The following MZF1 variants were observed in gnomAD, a reference collection of about 807,000 sequenced individuals.
The protein encoded by MZF1 is myeloid zinc finger 1, also known as zinc finger and SCAN domain-containing protein 6.
A neutral mutation model predicts 28.6 loss-of-function variants in MZF1; 24 were observed. The ratio of observed to expected loss-of-function variants is 0.84; its 90% CI spans 0.61 to 1.18. MZF1 has a LOEUF of 1.18. MZF1 is among the 50% of genes most tolerant of loss of function. The pLI, the probability that MZF1 is intolerant of heterozygous loss-of-function variation, is 0.00. For missense variants in MZF1, 1,166 were observed against 1,026.4 expected, an observed-to-expected ratio of 1.14 and a Z score of -1.86; for synonymous variants, 516 against 432.5, an observed-to-expected ratio of 1.19 and a Z score of -2.40.
intron 5 of MZF1, 195 bp downstream of exon 5, chr19:58,569,082 G>A: frequency 1.6e-6 from 1 of 606,266 alleles, no homozygotes; most frequent in East Asian, 3.3e-5. Flanking sequence ...TGGGATCAGT[G>A]GTAGTGGTGG....
chr19:58,562,350 G>T lies in MZF1; in HGVS notation c.1927C>A (p.His643Asn). 1 of 1,610,106 alleles carries T rather than the reference G, an allele frequency of 6.2e-7. No homozygotes were observed. The highest frequency in any genetic ancestry group is 8.5e-7 in the Non-Finnish European group (1 of 1,178,784). Residue 643 changes from histidine (H) to asparagine (N), a missense_variant, in exon 6 of 6, where the codon CAC becomes AAC. Transcript: ENST00000215057. ...CGTTCGCCCGTGTGGATGCGCTGGT[G>T]CTCGGTGAGCCGCGAGACCTGCGTG... Reference protein sequence around the residue: ...GFTQVSRLTEHQRIHTGERPF... With the variant: ...GFTQVSRLTENQRIHTGERPF...
rs769003406 is a variant in MZF1 at position 58,571,273 on chromosome 19, G to C, written c.117C>G (p.Gly39=). 8 of 1,613,448 alleles carry C rather than the reference G, an allele frequency of 5.0e-6. No individual in the cohort carries two copies. Among genetic ancestry groups the C allele is most frequent in the Non-Finnish European group, 5.9e-6 (7 of 1,179,742 alleles). Residue 39 remains glycine (G), a synonymous_variant, in exon 2 of 6, where the codon GGC becomes GGG. Coordinates refer to ENST00000215057, the MANE Select transcript of MZF1 (RefSeq NM_198055.2). ...EEGEAALWDP[G]PEAARLRFRC... ...GGAAACGCAGGCGTGCAGCTTCAGG[G>C]CCTGGGTCCCATAAGGCAGCCTCAC...
At position 58,563,579 on chromosome 19, in the gene MZF1, CAG is replaced by C. The variant is rs2053981850; in HGVS notation, c.773-77_773-76del. ...GGGACCCACTTCATCCCTGGGGACA[CAG>C]TGTGAACTACAGGGACCTGAAACTG... On this transcript the variant is annotated intron_variant, in intron 5 of 5. Transcript: ENST00000215057. The C allele has an allele frequency of 8.8e-6, 11 of 1,256,144 alleles. No homozygotes were observed. The South Asian group carries it at 1.3e-4, about 15-fold the overall frequency. The allele number at this position is 1,256,144 out of a possible 1,614,324, so 77.8% of individuals were successfully genotyped here.
chr19:58,570,715 C>G (rs2054143962), intron 2 of MZF1, 188 bp from the exon 3 acceptor site: 1 of 685,358 alleles, frequency 1.5e-6, no homozygotes, highest in African/African-American at 1.8e-5. Flanking sequence ...CCTGCAGTCC[C>G]TCCCCTGCTC....
intron 5 of MZF1, chr19:58,563,876 AAG>A (rs781372432): frequency 9.3e-5 from 18 of 193,056 alleles, no homozygotes; most frequent in Non-Finnish European, 1.8e-4. Flanking sequence ...AGCCAACAGA[AAG>A]AGGGTGCAGG....
At chr19:58,567,862 G>C (rs1408508547) in intron 5 of MZF1, among the ~76,000 whole-genome samples, 1 of 152,082 alleles carries the variant, frequency 6.6e-6, no homozygotes, top group African/African-American at 2.4e-5. Context: ...AATAAGGAAA[G>C]ACATTGTAAA....
At chr19:58,571,723 C>A in intron 1 of MZF1, 1 of 273,838 alleles carries the variant, frequency 3.7e-6, no homozygotes, top group Non-Finnish European at 7.0e-6. Flanking sequence ...AGTCAGTTGC[C>A]CAGGCTGAAG....
intron 1 of MZF1, chr19:58,572,442 GA>G (rs2054182810): frequency 1.2e-6 from 1 of 852,906 alleles, no homozygotes; most frequent in Non-Finnish European, 1.7e-6. Context: ...AAGGCTCCAA[GA>G]CTGCCGGAAC....
chr19:58,571,394 G>A lies in MZF1; in HGVS notation c.-5C>T. The A allele has an allele frequency of 1.2e-6, 2 of 1,613,912 alleles. No individual in the cohort carries two copies. The highest frequency in any genetic ancestry group is 8.5e-7 in the Non-Finnish European group (1 of 1,179,920). ...GCCCAGCACCGCAGGCCTCATAGAG[G>A]GTACCAGGTCAGGTATCTGAGGCCA... is the stretch of plus-strand genomic sequence containing the variant. On this transcript the variant is annotated 5_prime_UTR_variant, in exon 2 of 6. Transcript: ENST00000215057.
chr19:58,570,710 A>C, intron 2 of MZF1, 183 bp from the exon 3 acceptor site: 1 of 696,084 alleles, frequency 1.4e-6, no homozygotes, highest in Non-Finnish European at 2.4e-6. Context: ...GACCACCTGC[A>C]GTCCCTCCCC....
At position 58,561,977 on chromosome 19, in the gene MZF1, G is replaced by C; in HGVS notation, c.*95C>G. The C allele has an allele frequency of 7.6e-7, 1 of 1,309,052 alleles. No individual in the cohort carries two copies. Among genetic ancestry groups the C allele is most frequent in the Non-Finnish European group, 1.0e-6 (1 of 962,668 alleles). 81.1% of individuals were successfully genotyped at this position (1,309,052 alleles called of 1,614,324 possible). A position where few individuals can be genotyped will look rare whatever the true frequency, so the allele number is the denominator to read the frequency against. On this transcript the variant is annotated 3_prime_UTR_variant, in exon 6 of 6. Coordinates refer to ENST00000215057, the MANE Select transcript of MZF1 (RefSeq NM_198055.2). ...GACACCTACAGTAGCCAAGCCCTGG[G>C]CGGACCTGCTTATACTTATGTAATC...
At position 58,569,318 on chromosome 19, in the gene MZF1, C is replaced by T; in HGVS notation, c.731G>A (p.Arg244Lys). The T allele has an allele frequency of 6.2e-7, 1 of 1,613,148 alleles. No individual in the cohort carries two copies. The highest frequency in any genetic ancestry group is 2.2e-5 in the East Asian group (1 of 44,864). Residue 244 changes from arginine (R) to lysine (K), a missense_variant, in exon 5 of 6, where the codon AGG becomes AAG. By Grantham distance (26) the Arg-to-Lys change is conservative. Coordinates refer to ENST00000215057, the MANE Select transcript of MZF1 (RefSeq NM_198055.2). ...PEGPSWREHP[R>K]ALWHEEAGGI... ...CCCAGCTTCCTCATGCCACAGGGCC[C>T]TGGGGTGCTCCCTCCATGAGGGACC... is the stretch of plus-strand genomic sequence containing the variant.
At chr19:58,570,318 G>A (rs1416613048) in intron 3 of MZF1, 26 bp downstream of exon 3, 3 of 1,580,374 alleles carry the variant, frequency 1.9e-6, no homozygotes, top group Non-Finnish European at 1.7e-6. Context: ...CCAGACCTTA[G>A]GCGCGCCCAC....
At position 58,562,192 on chromosome 19, in the gene MZF1, C is replaced by T. The variant is rs770699460; in HGVS notation, c.2085G>A (p.Thr695=). ...ECGKAFRQRP[T]LTQHLRTHRR... is the part of the protein sequence containing the mutation. The stretch of plus-strand genomic sequence containing the variant: ...GGTGGGTGCGCAGATGCTGCGTGAG[C>T]GTGGGCCGCTGGCGGAAGGCCTTGC... The change falls in exon 6 of 6, where the codon ACG becomes ACA. Residue 695 remains threonine, a synonymous_variant. Transcript: ENST00000215057. 27 of 1,606,692 alleles carry T rather than the reference C, an allele frequency of 1.7e-5. No homozygotes were observed. The South Asian group carries it at 2.6e-4, about 16-fold the overall frequency.
At chr19:58,570,956 G>C (rs750745184) in intron 2 of MZF1, 38 bp downstream of exon 2, 2 of 1,555,568 alleles carry the variant, frequency 1.3e-6, no homozygotes, top group Non-Finnish European at 1.7e-6. Flanking sequence ...GCTGGATGAT[G>C]CTCCAGTCCT....
chr19:58,562,153 G>A lies in MZF1; in HGVS notation c.2124C>T (p.Pro708=). The change falls in exon 6 of 6, where the codon CCC becomes CCT. Residue 708 remains proline, a synonymous_variant. Transcript: ENST00000215057. ...GGCGGCCACAGTCCTGGCAGGCGAA[G>A]GGCTTCTCTCGTCGGTGGGTGCGCA... ...QHLRTHRREK[P]FACQDCGRRF... 1 of 1,592,812 alleles carries A rather than the reference G, an allele frequency of 6.3e-7. No individual in the cohort carries two copies. The highest frequency in any genetic ancestry group is 8.5e-7 in the Non-Finnish European group (1 of 1,172,848).
Position 58,562,390 on chromosome 19 carries a change from C to G in MZF1, c.1887G>C (p.Glu629Asp). ...HTGEKPYHCG[E>D]CGLGFTQVSR... is the part of the protein sequence containing the mutation. ...AGACCTGCGTGAAGCCCAGGCCGCA[C>G]TCACCGCAGTGGTAGGGCTTTTCGC... The change falls in exon 6 of 6, where the codon GAG (glutamate) becomes GAC (aspartate). Residue 629 changes from glutamate to aspartate, a missense_variant. Glu to Asp is a conservative substitution (Grantham distance 45). Transcript: ENST00000215057. The G allele has an allele frequency of 1.9e-6, 3 of 1,609,548 alleles. No individual in the cohort carries two copies. Among genetic ancestry groups the G allele is most frequent in the Non-Finnish European group, 2.5e-6 (3 of 1,178,358 alleles).
intron 5 of MZF1, chr19:58,564,506 C>T (rs1366854350): frequency 6.6e-6 from 1 of 152,152 alleles, no homozygotes; most frequent in East Asian, 1.9e-4. Flanking sequence ...GCTTATATCC[C>T]ATAAAATACA....
At chr19:58,570,011 G>A (rs1267630797) in intron 3 of MZF1, 3 of 317,646 alleles carry the variant, frequency 9.4e-6, no homozygotes, top group Admixed American at 4.6e-5. Flanking sequence ...CCTGCTGTCT[G>A]TTCCCCAGTG....
Sources: gnomAD v4.1 joint callset for allele counts (sites outside exome capture counted in the v4.1 genomes callset) on GRCh38, gnomAD v4.1.1 for gene constraint, MANE v1.5 for transcripts, NCBI Gene and HGNC (gene_info 2026-07-23, HGNC 2026-07-21) for gene names.